Variants in MAD1L1 observed in about 807,000 individuals in gnomAD.
The protein encoded by MAD1L1 is mitotic arrest deficient 1 like 1, also known as mitotic spindle assembly checkpoint protein MAD1.
In MAD1L1, 95 loss-of-function variants were observed where a neutral mutation model predicts 96.9. That is an observed-to-expected ratio of 0.98 (90% CI 0.83 to 1.16). The LOEUF (loss-of-function observed/expected upper bound fraction) is 1.16, where lower values mean the gene tolerates loss of function less well. MAD1L1 is among the 50% of genes most tolerant of loss of function. MAD1L1 has a pLI of 0.00. For synonymous variants in MAD1L1, 473 were observed against 396.6 expected, an observed-to-expected ratio of 1.19 and a Z score of -2.29; for missense variants, 1,007 against 954.4, an observed-to-expected ratio of 1.06 and a Z score of -0.73.
intron 18 of MAD1L1, chr7:1,829,631 T>A: frequency 2.0e-5 from 3 of 149,280 alleles, no homozygotes; most frequent in Admixed American, 6.7e-5. Context: ...CAGCAAAGAG[T>A]CTTGAAAAAG....
rs1359883110 is a variant in MAD1L1, at chr7:2,199,556, C to T, written c.986+13656G>A. Among the ~76,000 whole-genome samples the T allele has an allele frequency of 4.6e-5, 7 of 152,278 alleles. No individual in the cohort carries two copies. In the South Asian group the frequency reaches 8.3e-4, roughly 18 times the overall value. On this transcript the variant is annotated intron_variant, in intron 10 of 18. Transcript: ENST00000265854. ...ATCATCTTAGAATCACTCTGCTACA[C>T]GGATGTCCCTGGAGTTTCGATTCCT...
At chr7:2,074,376 C>G (rs546129567) in intron 11 of MAD1L1, among the ~76,000 whole-genome samples, 206 of 152,104 alleles carry the variant, frequency 1.4e-3, no homozygotes, top group African/African-American at 4.7e-3. Context: ...GCTGTGGGAA[C>G]ACGGGGCAGA....
At chr7:2,034,762 G>A (rs1725934162) in intron 12 of MAD1L1, among the ~76,000 whole-genome samples, 2 of 152,238 alleles carry the variant, frequency 1.3e-5, no homozygotes, top group South Asian at 4.1e-4. Flanking sequence ...ATGAACAGGG[G>A]AGGAAAGGAG....
chr7:1,843,125 C>T (rs1783373768), intron 18 of MAD1L1, among the ~76,000 whole-genome samples: 2 of 152,198 alleles, frequency 1.3e-5, no homozygotes, highest in South Asian at 4.1e-4. Flanking sequence ...ACATGAGGCC[C>T]CGATGGCACA....
chr7:2,022,074 G>T (rs990192273), intron 12 of MAD1L1, among the ~76,000 whole-genome samples: 1 of 152,102 alleles, frequency 6.6e-6, no homozygotes, highest in African/African-American at 2.4e-5. Context: ...TCCCACCTCA[G>T]CCTCCCAAGT....
chr7:1,870,828 A>AAT (rs1785034371), intron 18 of MAD1L1, among the ~76,000 whole-genome samples: 1 of 14,150 alleles, frequency 7.1e-5, no homozygotes, highest in Admixed American at 1.0e-3. Context: ...AACCGACCAT[A>AAT]ACACCTGCCA....
intron 12 of MAD1L1, among the ~76,000 whole-genome samples, chr7:2,066,091 T>C (rs1473160634): frequency 6.6e-6 from 1 of 152,196 alleles, no homozygotes; most frequent in Non-Finnish European, 1.5e-5. Context: ...ATCCTTAGAC[T>C]AGAGCCGTTT....
chr7:2,227,621 C>T (rs541652691), intron 3 of MAD1L1, among the ~76,000 whole-genome samples: 1 of 152,356 alleles, frequency 6.6e-6, no homozygotes, highest in African/African-American at 2.4e-5. Context: ...AGGGAAGTTT[C>T]TCTGTCCTCC....
intron 10 of MAD1L1, among the ~76,000 whole-genome samples, chr7:2,162,458 C>T (rs1247553508): frequency 6.6e-6 from 1 of 151,384 alleles, no homozygotes; most frequent in Admixed American, 6.6e-5. Context: ...TGCGGAAGGC[C>T]GCAGGGACCT....
Position 2,230,062 on chromosome 7 carries a change from A to G in MAD1L1, c.72T>C (p.Arg24=). Reference sequence around the variant, plus strand: ...TATCCAGTCCAGAGCCTCCCTCCACACGCTGAGAGATGAAGTTGTTCAAAG... The same window carrying G: ...TATCCAGTCCAGAGCCTCCCTCCACGCGCTGAGAGATGAAGTTGTTCAAAG... The part of the protein sequence containing the change: ...LRSLNNFISQ[R]VEGGSGLDIS... Residue 24 remains arginine, a synonymous_variant, in exon 3 of 19, where the codon CGT becomes CGC. Coordinates refer to ENST00000265854, the MANE Select transcript of MAD1L1 (RefSeq NM_001013836.2). 6.2e-7 allele frequency: 1 copy of G among 1,613,354 alleles called. No individual in the cohort carries two copies. Among genetic ancestry groups the G allele is most frequent in the Non-Finnish European group, 8.5e-7 (1 of 1,179,706 alleles).
intron 18 of MAD1L1, among the ~76,000 whole-genome samples, chr7:1,884,978 G>C (rs893395926): frequency 6.6e-6 from 1 of 152,232 alleles, no homozygotes; most frequent in Admixed American, 6.5e-5. Context: ...CTCAGCTTTA[G>C]AATCGGGGAT....
At chr7:1,983,132 ACGCGCGCGCGCGCGCGCG>A (rs141111007) in intron 14 of MAD1L1, among the ~76,000 whole-genome samples, 18 of 144,878 alleles carry the variant, frequency 1.2e-4, no homozygotes, top group African/African-American at 4.4e-4. Context: ...ACACCCACAG[ACGCGCGCGCGCGCGCGCG>A]CGCGCACACA....
At chr7:2,126,194 A>C (rs1045744125) in intron 11 of MAD1L1, among the ~76,000 whole-genome samples, 1 of 152,158 alleles carries the variant, frequency 6.6e-6, no homozygotes, top group Admixed American at 6.5e-5. Flanking sequence ...GATGAAGGAG[A>C]GCGTCTCGGG....
At chr7:1,902,315 C>CGT (rs1486906287) in intron 17 of MAD1L1, among the ~76,000 whole-genome samples, 1 of 152,158 alleles carries the variant, frequency 6.6e-6, no homozygotes, top group Non-Finnish European at 1.5e-5. Context: ...GGAGCATTTA[C>CGT]AGCACTTATC....
intron 12 of MAD1L1, among the ~76,000 whole-genome samples, chr7:2,064,817 GC>G (rs1784811027): frequency 6.6e-6 from 1 of 151,168 alleles, no homozygotes; most frequent in Non-Finnish European, 1.5e-5. Context: ...CAGGACAGCG[GC>G]TTCTCCCAGG....
chr7:1,838,816 G>A (rs957266104), intron 18 of MAD1L1: 5 of 471,312 alleles, frequency 1.1e-5, no homozygotes, highest in Non-Finnish European at 2.2e-5. Context: ...TGACCACGGG[G>A]TGAACGTCCT....
intron 11 of MAD1L1, among the ~76,000 whole-genome samples, chr7:2,071,652 G>GCTGAGTGGTT (rs1785133761): frequency 6.6e-6 from 1 of 152,152 alleles, no homozygotes; most frequent in Non-Finnish European, 1.5e-5. Flanking sequence ...GGGGCTGAAG[G>GCTGAGTGGTT]CTGAGTGGTT....
At chr7:1,871,658 A>C (rs1785110989) in intron 18 of MAD1L1, among the ~76,000 whole-genome samples, 1 of 150,792 alleles carries the variant, frequency 6.6e-6, no homozygotes, top group Non-Finnish European at 1.5e-5. Context: ...TGCCATGCTG[A>C]ACCCAACATA....
rs184545196 is a variant in MAD1L1 at position 1,865,951 on chromosome 7, G to A, written c.1998+32249C>T. Among the ~76,000 whole-genome samples, 216 of 152,360 alleles carry A rather than the reference G, an allele frequency of 1.4e-3. 2 individuals carry two copies. The highest frequency in any genetic ancestry group is 4.9e-3 in the African/African-American group (202 of 41,588). On this transcript the variant is annotated intron_variant, in intron 18 of 18. Coordinates refer to ENST00000265854, the MANE Select transcript of MAD1L1 (RefSeq NM_001013836.2). ...GCCTGCCAGCGTGACAGGCACCATC[G>A]GCCCGCAATGGGCCAGGCAGACAGC...
Sources: allele counts gnomAD v4.1 joint callset (sites outside exome capture counted in the v4.1 genomes callset), GRCh38; gene constraint gnomAD v4.1.1; transcripts MANE v1.5; gene names NCBI Gene and HGNC (gene_info 2026-07-23, HGNC 2026-07-21).